The following TP63 variants were observed in gnomAD, a reference collection of about 807,000 sequenced individuals.
The protein encoded by TP63 is tumor protein p63.
A neutral mutation model predicts 82.8 loss-of-function variants in TP63; 17 were observed. The observed-to-expected ratio is 0.21, with a 90% CI of 0.14 to 0.31. The LOEUF (loss-of-function observed/expected upper bound fraction) is 0.31, where lower values mean the gene tolerates loss of function less well. Ranked by LOEUF, TP63 falls within the 10% of genes least tolerant of loss-of-function variation. The pLI, the probability that TP63 is intolerant of heterozygous loss-of-function variation, is 1.00. For synonymous variants in TP63, 330 were observed against 321.7 expected (o/e 1.03, Z -0.28); for missense variants, 648 against 895.3 (o/e 0.72, Z 3.52).
At chr3:189,677,931 T>C (rs1715589224) in intron 1 of TP63, among the ~76,000 whole-genome samples, 1 of 152,114 alleles carries the variant, frequency 6.6e-6, no homozygotes, top group Admixed American at 6.6e-5. Flanking sequence ...TGCCCGTTTT[T>C]TCAATTGTGA....
chr3:189,869,934 A>T (rs1454083668), intron 9 of TP63, among the ~76,000 whole-genome samples: 1 of 152,142 alleles, frequency 6.6e-6, no homozygotes, highest in Non-Finnish European at 1.5e-5. Context: ...TGTGTTTTTT[A>T]AAATTAGAAT....
At chr3:189,702,377 G>GTATTAGGGAGCTTT in intron 1 of TP63, among the ~76,000 whole-genome samples, 1 of 152,198 alleles carries the variant, frequency 6.6e-6, no homozygotes, top group East Asian at 1.9e-4. Flanking sequence ...GGGATTTAGG[G>GTATTAGGGAGCTTT]TATTAGGGAG....
intron 3 of TP63, among the ~76,000 whole-genome samples, chr3:189,739,142 A>G (rs34641720): frequency 0.43 from 65,843 of 151,948 alleles, 14,382 homozygotes; most frequent in African/African-American, 0.46. Flanking sequence ...ATTTGACAGA[A>G]TCTTACTCTG....
chr3:189,685,852 C>T lies in TP63; in HGVS notation c.63-51888C>T, dbSNP rs554441854. Among the ~76,000 whole-genome samples the T allele has an allele frequency of 2.6e-5, 4 of 152,074 alleles. No homozygotes were observed. In the South Asian group the frequency reaches 6.3e-4, roughly 24 times the overall value. ...TTTCTCCTTCTTAAAACAACAACTC[C>T]GAGACAATATGAGCTTTTTAAAAGA... is the stretch of plus-strand genomic sequence containing the variant. On this transcript the variant is annotated intron_variant, in intron 1 of 13. Transcript: ENST00000264731.
intron 4 of TP63, among the ~76,000 whole-genome samples, chr3:189,844,594 A>C (rs1474104248): frequency 5.3e-5 from 8 of 152,142 alleles, no homozygotes; most frequent in Admixed American, 5.2e-4. Flanking sequence ...CACTTTTTAA[A>C]CATTACATTT....
chr3:189,886,459 T>C lies in TP63; in HGVS notation c.1415T>C (p.Met472Thr). 1 of 1,614,140 alleles carries C rather than the reference T, an allele frequency of 6.2e-7. No individual in the cohort carries two copies. Among genetic ancestry groups the C allele is most frequent in the Non-Finnish European group, 8.5e-7 (1 of 1,180,002 alleles). Residue 472 changes from methionine to threonine, a missense_variant, in exon 11 of 14, where the codon ATG (methionine) becomes ACG (threonine). Transcript: ENST00000264731. ...SSPPLNKMNS[M>T]NKLPSVSQLI... ...CCACCTCTGAACAAAATGAACAGCA[T>C]GAACAAGCTGCCTTCTGTGAGCCAG...
chr3:189,712,563 T>G (rs377706773), intron 1 of TP63, among the ~76,000 whole-genome samples: 4 of 152,078 alleles, frequency 2.6e-5, no homozygotes, highest in African/African-American at 9.7e-5. Context: ...TTTGAGGCCT[T>G]TTTTACAAGA....
Position 189,894,815 on chromosome 3 carries a change from C to T in TP63, c.*313C>T, listed in dbSNP as rs1258105361. 2.5e-6 allele frequency: 1 copy of T among 404,062 alleles called. No individual in the cohort carries two copies. The highest frequency in any genetic ancestry group is 2.0e-5 in the African/African-American group (1 of 50,942). The allele number at this position is 404,062 out of a possible 1,614,324, so 25.0% of individuals were successfully genotyped here. A position where few individuals can be genotyped will look rare whatever the true frequency, so the allele number is the denominator to read the frequency against. ...ATTGACTTTTATAAAGCATGTTCAC[C>T]CTTATAGTCTAAGACTATATATATA... On this transcript the variant is annotated 3_prime_UTR_variant, in exon 14 of 14. Transcript: ENST00000264731.
At chr3:189,627,589 T>A (rs1729348551), upstream of TP63, among the ~76,000 whole-genome samples, 1 of 152,206 alleles carries the variant, frequency 6.6e-6, no homozygotes, top group Non-Finnish European at 1.5e-5. Flanking sequence ...TAGCCACATG[T>A]AACTAGTGGC....
intron 1 of TP63, among the ~76,000 whole-genome samples, chr3:189,715,933 A>T (rs532009913): frequency 6.6e-6 from 1 of 152,300 alleles, no homozygotes; most frequent in South Asian, 2.1e-4. Context: ...TGTGGATTTC[A>T]CTTTCAACCA....
intron 4 of TP63, among the ~76,000 whole-genome samples, chr3:189,847,644 G>A (rs955998810): frequency 6.6e-6 from 1 of 152,136 alleles, no homozygotes; most frequent in African/African-American, 2.4e-5. Context: ...TTGCACTGGG[G>A]GTCCTTTCTA....
intron 4 of TP63, among the ~76,000 whole-genome samples, chr3:189,832,626 G>A (rs1712534010): frequency 1.3e-5 from 2 of 152,170 alleles, no homozygotes; most frequent in African/African-American, 4.8e-5. Context: ...TATGCTGTCA[G>A]GAGTTGGCCA....
Position 189,866,740 on chromosome 3 carries a change from T to G in TP63, c.825T>G (p.Tyr275Ter). The G allele has an allele frequency of 6.2e-7, 1 of 1,614,062 alleles. No individual in the cohort carries two copies. The highest frequency in any genetic ancestry group is 1.6e-4 in the Middle Eastern group (1 of 6,062). The change falls in exon 6 of 14, where the codon TAT becomes TAG. Residue 275 changes from tyrosine to a stop codon, truncating the protein, a stop_gained. Transcript: ENST00000264731. LOFTEE classifies it high-confidence loss of function. ...IRVEGNSHAQ[Y>*]VEDPITGRQS... ...TAGAGGGGAACAGCCATGCCCAGTA[T>G]GTAGAAGATCCCATCACAGGAAGAC... is the stretch of plus-strand genomic sequence containing the variant.
chr3:189,715,002 G>A (rs1463358250), intron 1 of TP63, among the ~76,000 whole-genome samples: 1 of 152,064 alleles, frequency 6.6e-6, no homozygotes, highest in Non-Finnish European at 1.5e-5. Flanking sequence ...TTAAAGTTAG[G>A]CATGGGCATG....
chr3:189,681,681 C>A (rs1456833772), intron 1 of TP63, among the ~76,000 whole-genome samples: 1 of 152,142 alleles, frequency 6.6e-6, no homozygotes. Flanking sequence ...TTCTCTTCTT[C>A]CTCCTCCTCC....
the TP63 span, among the ~76,000 whole-genome samples, chr3:189,613,404 T>G: frequency 6.6e-6 from 1 of 152,148 alleles, no homozygotes; most frequent in East Asian, 1.9e-4. Flanking sequence ...AGTAAAGAAT[T>G]GAGATTTGGG....
intron 10 of TP63, among the ~76,000 whole-genome samples, chr3:189,885,434 T>C (rs1452856997): frequency 1.3e-5 from 2 of 152,234 alleles, no homozygotes; most frequent in African/African-American, 4.8e-5. Flanking sequence ...GTAGTTTATA[T>C]AGTTTTCTTG....
chr3:189,613,956 C>A, the TP63 span, among the ~76,000 whole-genome samples: 1 of 152,156 alleles, frequency 6.6e-6, no homozygotes, highest in South Asian at 2.1e-4. Context: ...GTTTTTGATT[C>A]TACAGGCTCA....
intron 3 of TP63, among the ~76,000 whole-genome samples, chr3:189,740,369 T>A (rs1320988848): frequency 6.6e-6 from 1 of 152,194 alleles, no homozygotes; most frequent in Non-Finnish European, 1.5e-5. Context: ...AACCTGTTAT[T>A]GTATTCTCTC....
Sources: allele counts gnomAD v4.1 joint callset (sites outside exome capture counted in the v4.1 genomes callset), GRCh38; gene constraint gnomAD v4.1.1; transcripts MANE v1.5; gene names NCBI Gene and HGNC (gene_info 2026-07-23, HGNC 2026-07-21).